The following PTPRE variants were observed in gnomAD, a reference collection of about 807,000 sequenced individuals.
PTPRE encodes protein tyrosine phosphatase receptor type E, also known as receptor-type tyrosine-protein phosphatase epsilon.
Under a neutral mutation model 102.0 loss-of-function variants are expected in PTPRE, and 51 were observed. The ratio of observed to expected loss-of-function variants is 0.50; its 90% CI spans 0.40 to 0.63. The LOEUF is 0.63. Among genes scored for constraint, PTPRE ranks in the 30% least tolerant of loss-of-function variants. The pLI is 0.00. For synonymous variants in PTPRE, 345 were observed against 348.2 expected (o/e 0.99, Z 0.10); for missense variants, 752 against 915.1 (o/e 0.82, Z 2.30).
rs1848982866 is a variant in PTPRE at position 127,951,014 on chromosome 10, T to C, written c.-30-31260T>C. On this transcript the variant is annotated intron_variant, in intron 1 of 20. Transcript: ENST00000254667. Reference sequence around the variant, plus strand: ...TGAGAGGCTGAGGCAGGAGAATGGCTTGCAGTGAGCCAAGATTGCGCCACT... The same window carrying C: ...TGAGAGGCTGAGGCAGGAGAATGGCCTGCAGTGAGCCAAGATTGCGCCACT... Among the ~76,000 whole-genome samples the C allele has an allele frequency of 2.0e-5, 3 of 152,106 alleles. No individual in the cohort carries two copies. In the South Asian group the frequency reaches 6.2e-4, roughly 32 times the overall value.
rs114167733 is a variant in PTPRE, at chr10:128,081,249, C to T, written c.2028+1554C>T. Among the ~76,000 whole-genome samples, 537 of 152,278 alleles carry T rather than the reference C, an allele frequency of 3.5e-3. 3 individuals carry two copies. Among genetic ancestry groups the T allele is most frequent in the African/African-American group, 0.012 (513 of 41,548 alleles). ...CAGGTGAGCACAGTGGCCCAAGAACCAGTTTCCAATTGCTGAGCACTCAGG... is the reference window on the plus strand; with the variant it reads ...CAGGTGAGCACAGTGGCCCAAGAACTAGTTTCCAATTGCTGAGCACTCAGG... On this transcript the variant is annotated intron_variant, in intron 20 of 20. Coordinates refer to ENST00000254667, the MANE Select transcript of PTPRE (RefSeq NM_006504.6).
chr10:128,004,061 C>T (rs1429887390), intron 2 of PTPRE, among the ~76,000 whole-genome samples: 1 of 151,900 alleles, frequency 6.6e-6, no homozygotes, highest in Non-Finnish European at 1.5e-5. Context: ...TGGTCCTAAC[C>T]TCTTATTGTT....
chr10:127,982,322 AT>A, intron 2 of PTPRE, 26 bp downstream of exon 2: 1 of 1,196,844 alleles, frequency 8.4e-7, no homozygotes, highest in Non-Finnish European at 1.1e-6. Flanking sequence ...TTTAAAAATT[AT>A]TTTTGATGTA....
Position 128,068,189 on chromosome 10 carries a change from T to C in PTPRE, c.910T>C (p.Phe304Leu), listed in dbSNP as rs1227008767. The C allele has an allele frequency of 6.2e-7, 1 of 1,614,038 alleles. No individual in the cohort carries two copies. Among genetic ancestry groups the C allele is most frequent in the African/African-American group, 1.3e-5 (1 of 74,946 alleles). ...GCTGCACTTCACCAGCTGGCCCGACTTCGGAGTGCCTTTTACCCCCATTGG... is the reference window on the plus strand; with the variant it reads ...GCTGCACTTCACCAGCTGGCCCGACCTCGGAGTGCCTTTTACCCCCATTGG... ...SQLHFTSWPD[F>L]GVPFTPIGML... Residue 304 changes from phenylalanine (F) to leucine (L), a missense_variant, in exon 12 of 21, where the codon TTC (phenylalanine) becomes CTC (leucine). Transcript: ENST00000254667.
At chr10:127,924,629 C>T (rs573593884) in intron 1 of PTPRE, among the ~76,000 whole-genome samples, 47 of 152,342 alleles carry the variant, frequency 3.1e-4, no homozygotes, top group Admixed American at 2.0e-3. Flanking sequence ...CGCCCAACTT[C>T]CCTCACTGTA....
At chr10:127,932,612 C>G (rs181408478) in intron 1 of PTPRE, among the ~76,000 whole-genome samples, 2 of 152,306 alleles carry the variant, frequency 1.3e-5, no homozygotes, top group African/African-American at 4.8e-5. Context: ...TGGAGAAGGG[C>G]GCCTGTGCTC....
At chr10:127,949,661 G>A (rs921312170) in intron 1 of PTPRE, among the ~76,000 whole-genome samples, 3 of 152,196 alleles carry the variant, frequency 2.0e-5, no homozygotes, top group South Asian at 2.1e-4. Flanking sequence ...AGAGAAAGGG[G>A]TGAGCTCCGG....
intron 9 of PTPRE, 113 bp downstream of exon 9, chr10:128,061,828 T>C: frequency 7.8e-7 from 1 of 1,290,318 alleles, no homozygotes; most frequent in African/African-American, 1.5e-5. Flanking sequence ...TGTGTGTGTT[T>C]ACACCTAACA....
At chr10:128,009,117 G>T (rs74159120) in intron 2 of PTPRE, among the ~76,000 whole-genome samples, 3 of 152,326 alleles carry the variant, frequency 2.0e-5, no homozygotes, top group Admixed American at 1.3e-4. Context: ...GCAGCTGGGA[G>T]CTGCAGCATC....
rs569063400 is a variant in PTPRE, at chr10:128,001,478, T to C, written c.-8+19182T>C. On this transcript the variant is annotated intron_variant, in intron 2 of 20. Transcript: ENST00000254667. ...GTCAGACCCCCATTTTAATGGAAATTTAAATCCTTCCACCCCCGGAATTGC... is the reference window on the plus strand; with the variant it reads ...GTCAGACCCCCATTTTAATGGAAATCTAAATCCTTCCACCCCCGGAATTGC... Among the ~76,000 whole-genome samples, 478 of 152,228 alleles carry C rather than the reference T, an allele frequency of 3.1e-3. 6 individuals are homozygous for C. The highest frequency in any genetic ancestry group is 0.011 in the African/African-American group (455 of 41,544).
At position 128,079,608 on chromosome 10, in the gene PTPRE, G is replaced by A; in HGVS notation, c.1941G>A (p.Leu647=). The A allele has an allele frequency of 6.2e-7, 1 of 1,614,202 alleles. No individual in the cohort carries two copies. Among genetic ancestry groups the A allele is most frequent in the Non-Finnish European group, 8.5e-7 (1 of 1,180,032 alleles). Residue 647 remains leucine (L), a synonymous_variant, in exon 20 of 21, where the codon TTG becomes TTA. Coordinates refer to ENST00000254667, the MANE Select transcript of PTPRE (RefSeq NM_006504.6). ...CATTCATAGCCCTCAGCAACATTTT[G>A]GAGCGAGTAAAAGCCGAGGGACTTT... is the stretch of plus-strand genomic sequence containing the variant. ...TGTFIALSNI[L]ERVKAEGLLD...
chr10:128,071,727 C>G (rs1187434219), intron 15 of PTPRE: 1 of 170,150 alleles, frequency 5.9e-6, no homozygotes, highest in African/African-American at 2.4e-5. Context: ...AGCAGGGTCT[C>G]CCCGAGCACT....
At chr10:128,064,956 GAC>G (rs1432188327) in intron 10 of PTPRE, among the ~76,000 whole-genome samples, 1 of 152,196 alleles carries the variant, frequency 6.6e-6, no homozygotes, top group Non-Finnish European at 1.5e-5. Context: ...TTGAGAGGCT[GAC>G]ACATGTTCTC....
chr10:127,947,020 CAA>C (rs59527787), intron 1 of PTPRE, among the ~76,000 whole-genome samples: 61 of 82,388 alleles, frequency 7.4e-4, no homozygotes, highest in Admixed American at 9.1e-4. Context: ...GACCCTGTCT[CAA>C]AAAAAAAAAA....
chr10:127,945,247 G>A (rs751944740), intron 1 of PTPRE, among the ~76,000 whole-genome samples: 7 of 152,234 alleles, frequency 4.6e-5, no homozygotes, highest in Non-Finnish European at 7.3e-5. Context: ...CTGCTTAGTT[G>A]TGCTGCTGTA....
chr10:127,926,236 GT>G (rs531310645), intron 1 of PTPRE, among the ~76,000 whole-genome samples: 124 of 152,268 alleles, frequency 8.1e-4, no homozygotes, highest in African/African-American at 2.8e-3. Context: ...AAAACAATGA[GT>G]TTTTTTCCTT....
chr10:128,015,966 A>C (rs1845391123), intron 2 of PTPRE, among the ~76,000 whole-genome samples: 1 of 152,194 alleles, frequency 6.6e-6, no homozygotes, highest in Non-Finnish European at 1.5e-5. Context: ...TTAGGACACG[A>C]GCTGCGTGTT....
At chr10:127,916,861 G>A (rs759310163) in intron 1 of PTPRE, among the ~76,000 whole-genome samples, 6 of 152,040 alleles carry the variant, frequency 3.9e-5, no homozygotes, top group Non-Finnish European at 5.9e-5. Context: ...CCAGAAAAAC[G>A]CATGTGTGCA....
intron 11 of PTPRE, among the ~76,000 whole-genome samples, chr10:128,067,385 C>G (rs1304436148): frequency 2.6e-5 from 2 of 76,544 alleles, no homozygotes; most frequent in Non-Finnish European, 5.3e-5. Flanking sequence ...CACATTCACA[C>G]ATGTGCACAC....
Sources: allele counts gnomAD v4.1 joint callset (sites outside exome capture counted in the v4.1 genomes callset), GRCh38; gene constraint gnomAD v4.1.1; transcripts MANE v1.5; gene names NCBI Gene and HGNC (gene_info 2026-07-23, HGNC 2026-07-21).